The following DISC1 variants were observed in gnomAD, a reference collection of about 807,000 sequenced individuals.
The protein encoded by DISC1 is disrupted in schizophrenia 1 protein.
In DISC1, 57 loss-of-function variants were observed where a neutral mutation model predicts 84.5. That is an observed-to-expected ratio of 0.67 (90% CI 0.55 to 0.84). DISC1 has a LOEUF of 0.84. DISC1 is among the 40% of genes least tolerant of loss of function. The pLI, the probability that DISC1 is intolerant of heterozygous loss-of-function variation, is 0.00. For missense variants in DISC1, 1,000 were observed against 1,057.8 expected (o/e 0.95, Z 0.76); for synonymous variants, 411 against 415.2 (o/e 0.99, Z 0.12).
chr1:231,944,131 C>T (rs115792862), intron 9 of DISC1, among the ~76,000 whole-genome samples: 3,491 of 152,302 alleles, frequency 0.023, 119 homozygotes, highest in African/African-American at 0.079. Context: ...GAGCACTGGT[C>T]CACTGAACCC....
rs1048659175 is a variant in DISC1, at chr1:231,723,049, C to T, written c.1117+21025C>T. 4.7e-6 allele frequency: 5 copies of T among 1,052,922 alleles called. No homozygotes were observed. The African/African-American group carries it at 5.0e-5, about 11-fold the overall frequency. The allele number at this position is 1,052,922 out of a possible 1,614,324, so 65.2% of individuals were successfully genotyped here. On this transcript the variant is annotated intron_variant, in intron 3 of 12. Transcript: ENST00000439617. ...TTCCCCTTGGTGGCAATATGTACTA[C>T]AGTTGTCCCTTGATATCCATGGGGG...
At chr1:231,955,881 C>T (rs746730152) in intron 9 of DISC1, among the ~76,000 whole-genome samples, 1 of 152,214 alleles carries the variant, frequency 6.6e-6, no homozygotes, top group African/African-American at 2.4e-5. Context: ...CCACTTATCA[C>T]TAACTCCTGC....
rs186176106 is a variant in DISC1, at chr1:231,752,967, G to A, written c.1268+2891G>A. Among the ~76,000 whole-genome samples the A allele has an allele frequency of 9.8e-5, 15 of 152,370 alleles. No individual in the cohort carries two copies. The East Asian group carries it at 2.1e-3, about 22-fold the overall frequency. Reference sequence around the variant, plus strand: ...TCCAGAGCACACTGGTGCAAGGAGTGGGCTCCCATAACCTTGGGCAGCCCT... The same window carrying A: ...TCCAGAGCACACTGGTGCAAGGAGTAGGCTCCCATAACCTTGGGCAGCCCT... On this transcript the variant is annotated intron_variant, in intron 4 of 12. Transcript: ENST00000439617.
At chr1:232,018,077 T>C (rs557944582) in intron 11 of DISC1, among the ~76,000 whole-genome samples, 1 of 151,908 alleles carries the variant, frequency 6.6e-6, no homozygotes, top group South Asian at 2.1e-4. Context: ...CTAAGTAGAA[T>C]TGGCAGCCAC....
At chr1:231,772,926 C>T (rs1026832895) in intron 6 of DISC1, among the ~76,000 whole-genome samples, 4 of 152,140 alleles carry the variant, frequency 2.6e-5, no homozygotes, top group Non-Finnish European at 5.9e-5. Context: ...GGATTGTTGC[C>T]GGTTTTCATC....
intron 6 of DISC1, among the ~76,000 whole-genome samples, chr1:231,785,986 TTCTAATA>T (rs1381011944): frequency 2.0e-5 from 3 of 152,192 alleles, no homozygotes; most frequent in Non-Finnish European, 2.9e-5. Context: ...TATTTTATAT[TTCTAATA>T]TCTAATATAT....
At chr1:231,778,508 T>G (rs1176436844) in intron 6 of DISC1, among the ~76,000 whole-genome samples, 1 of 152,156 alleles carries the variant, frequency 6.6e-6, no homozygotes, top group Non-Finnish European at 1.5e-5. Flanking sequence ...GCACTTTCCT[T>G]AGGGCTGGTC....
Position 232,037,642 on chromosome 1 carries a change from G to A in DISC1, c.*811G>A, listed in dbSNP as rs112847297. 5,032 of 152,294 alleles carry A rather than the reference G, an allele frequency of 0.033. 152 individuals carry two copies. The highest frequency in any genetic ancestry group is 0.16 in the East Asian group (815 of 5,172). 9.4% of individuals were successfully genotyped at this position (152,294 alleles called of 1,614,324 possible). A position where few individuals can be genotyped will look rare whatever the true frequency, so the allele number is the denominator to read the frequency against. On this transcript the variant is annotated 3_prime_UTR_variant, in exon 13 of 13. Coordinates refer to ENST00000439617, the MANE Select transcript of DISC1 (RefSeq NM_018662.3). ...GCCAGGCAGTGCAGCATTTAGGAAA[G>A]CAGTGCAGTACTCAGTAAGGCAGTG...
intron 9 of DISC1, among the ~76,000 whole-genome samples, chr1:231,926,838 C>A (rs1192585587): frequency 6.6e-6 from 1 of 152,182 alleles, no homozygotes; most frequent in South Asian, 2.1e-4. Context: ...GAATTCACTT[C>A]TCATGCTCCC....
intron 11 of DISC1, among the ~76,000 whole-genome samples, chr1:232,025,746 G>A (rs555484445): frequency 2.0e-4 from 30 of 152,086 alleles, no homozygotes; most frequent in South Asian, 4.1e-4. Context: ...ACAGGCGCCC[G>A]CCACTACGCC....
Position 231,694,252 on chromosome 1 carries a change from G to A in DISC1, c.494G>A (p.Ser165Asn). The stretch of plus-strand genomic sequence containing the variant: ...GACGCCAGCTGGGAGGCAGCCTGCA[G>A]CGATGGAGCAAGGCGTGTCCGGGCA... ...TLDASWEAAC[S>N]DGARRVRAAG... The change falls in exon 2 of 13, where the codon AGC becomes AAC. Residue 165 changes from serine (S) to asparagine (N), a missense_variant. By Grantham distance (46) the Ser-to-Asn change is conservative (BLOSUM62 1). Transcript: ENST00000439617. 1.2e-6 allele frequency: 2 copies of A among 1,614,254 alleles called. No homozygotes were observed. Among genetic ancestry groups the A allele is most frequent in the Non-Finnish European group, 1.7e-6 (2 of 1,180,040 alleles).
At chr1:231,943,791 T>A (rs778657845) in intron 9 of DISC1, 24 of 152,044 alleles carry the variant, frequency 1.6e-4, no homozygotes, top group Non-Finnish European at 3.2e-4. Flanking sequence ...TGATGCAATC[T>A]TGGCTCACTG....
chr1:232,000,008 A>G (rs1666467385), intron 10 of DISC1, among the ~76,000 whole-genome samples: 1 of 152,230 alleles, frequency 6.6e-6, no homozygotes, highest in Admixed American at 6.5e-5. Context: ...TAAAAAAATT[A>G]AATGGAACTC....
intron 9 of DISC1, among the ~76,000 whole-genome samples, chr1:231,948,346 A>G (rs968129669): frequency 1.3e-5 from 2 of 152,054 alleles, no homozygotes; most frequent in Non-Finnish European, 2.9e-5. Flanking sequence ...TCCGCAAACT[A>G]TCACAAGAAC....
At chr1:231,900,305 C>T (rs200882270) in intron 9 of DISC1, among the ~76,000 whole-genome samples, 92 of 152,302 alleles carry the variant, frequency 6.0e-4, no homozygotes, top group African/African-American at 2.1e-3. Context: ...AATACCACTG[C>T]GGTGGAGCTT....
intron 8 of DISC1, among the ~76,000 whole-genome samples, chr1:231,800,776 T>A (rs943829786): frequency 6.6e-6 from 1 of 152,136 alleles, no homozygotes. Context: ...TCACAATTGC[T>A]ATATTAGGTA....
intron 10 of DISC1, chr1:231,959,399 A>T (rs1246303231): frequency 1.0e-6 from 1 of 985,890 alleles, no homozygotes; most frequent in Non-Finnish European, 1.2e-6. Context: ...CTGCAGCATG[A>T]CAAGATGTTT....
intron 4 of DISC1, among the ~76,000 whole-genome samples, chr1:231,761,479 A>T (rs1194653488): frequency 6.6e-6 from 1 of 152,206 alleles, no homozygotes; most frequent in Non-Finnish European, 1.5e-5. Context: ...CCATCTGTGG[A>T]TCCCTTTCTC....
intron 1 of DISC1, among the ~76,000 whole-genome samples, chr1:231,653,016 G>A (rs1380179525): frequency 6.6e-6 from 1 of 152,192 alleles, no homozygotes; most frequent in African/African-American, 2.4e-5. Context: ...CTGACATCCG[G>A]TGATCTGCCC....
Sources: gnomAD v4.1 joint callset for allele counts (sites outside exome capture counted in the v4.1 genomes callset) on GRCh38, gnomAD v4.1.1 for gene constraint, MANE v1.5 for transcripts, NCBI Gene and HGNC (gene_info 2026-07-23, HGNC 2026-07-21) for gene names.